Variants in EXT1 observed in about 807,000 individuals in gnomAD.
The protein encoded by EXT1 is exostosin glycosyltransferase 1, also known as exostosin-1.
Under a neutral mutation model 82.5 loss-of-function variants are expected in EXT1, and 20 were observed. That is an observed-to-expected ratio of 0.24 (90% CI 0.17 to 0.35). EXT1 has a LOEUF of 0.35. Among genes scored for constraint, EXT1 ranks in the 10% least tolerant of loss-of-function variants. The pLI, the probability that EXT1 is intolerant of heterozygous loss-of-function variation, is 1.00. For synonymous variants in EXT1, 348 were observed against 350.8 expected, an observed-to-expected ratio of 0.99 and a Z score of 0.09; for missense variants, 757 against 936.5, an observed-to-expected ratio of 0.81 and a Z score of 2.50.
intron 2 of EXT1, among the ~76,000 whole-genome samples, 173 bp downstream of exon 2, chr8:117,836,935 C>T (rs929022616): frequency 6.6e-6 from 1 of 152,128 alleles, no homozygotes; most frequent in African/African-American, 2.4e-5. Flanking sequence ...AGTAAATCCT[C>T]CCTCCACCCC....
At chr8:117,977,719 C>T (rs1440790891) in intron 1 of EXT1, among the ~76,000 whole-genome samples, 1 of 152,272 alleles carries the variant, frequency 6.6e-6, no homozygotes. Flanking sequence ...CATTGCCTGG[C>T]CTGGCTATCT....
At chr8:117,847,767 T>C (rs1812386397) in intron 1 of EXT1, among the ~76,000 whole-genome samples, 1 of 152,210 alleles carries the variant, frequency 6.6e-6, no homozygotes, top group South Asian at 2.1e-4. Context: ...AGGAGGATGT[T>C]TGGCATTCCT....
intron 1 of EXT1, among the ~76,000 whole-genome samples, chr8:117,892,843 G>C (rs958370513): frequency 2.6e-5 from 4 of 152,200 alleles, no homozygotes; most frequent in East Asian, 1.9e-4. Flanking sequence ...ATGAGAGAAA[G>C]AAAAGAGTCA....
At chr8:118,057,269 A>T (rs1381392230) in intron 1 of EXT1, among the ~76,000 whole-genome samples, 4 of 152,192 alleles carry the variant, frequency 2.6e-5, no homozygotes, top group Non-Finnish European at 5.9e-5. Flanking sequence ...GCCAGGCGCA[A>T]TGGCTCACAT....
At chr8:117,936,290 T>C (rs560393408) in intron 1 of EXT1, among the ~76,000 whole-genome samples, 20 of 152,236 alleles carry the variant, frequency 1.3e-4, no homozygotes, top group African/African-American at 4.8e-4. Flanking sequence ...CATACCCCAC[T>C]GTCACAGACT....
intron 1 of EXT1, among the ~76,000 whole-genome samples, chr8:117,922,063 A>G (rs886280887): frequency 6.6e-6 from 1 of 152,062 alleles, no homozygotes; most frequent in African/African-American, 2.4e-5. Flanking sequence ...TCAACTGCCA[A>G]CTGGATTTGC....
chr8:118,014,555 A>C (rs1815966544), intron 1 of EXT1, among the ~76,000 whole-genome samples: 2 of 152,068 alleles, frequency 1.3e-5, no homozygotes, highest in Admixed American at 6.6e-5. Flanking sequence ...ACCAAATTAG[A>C]ATTTCTGGAG....
intron 1 of EXT1, among the ~76,000 whole-genome samples, chr8:118,012,926 C>G (rs1396290400): frequency 6.6e-6 from 1 of 152,134 alleles, no homozygotes. Flanking sequence ...TTCTTTCTAT[C>G]GTTAGTAAGG....
At chr8:117,876,540 G>T (rs1812972626) in intron 1 of EXT1, among the ~76,000 whole-genome samples, 1 of 152,184 alleles carries the variant, frequency 6.6e-6, no homozygotes, top group African/African-American at 2.4e-5. Context: ...TGATAAAATA[G>T]AATTTGGGTT....
In EXT1 at chr8:117,960,716, T is replaced by G. The variant is rs190876762; in HGVS notation, c.963-123515A>C. 5.9e-5 allele frequency among the ~76,000 whole-genome samples: 9 copies of G among 152,320 alleles called. No individual in the cohort carries two copies. The East Asian group carries it at 1.7e-3, about 29-fold the overall frequency. ...CAGAATCGACTGCCTAAGGTGGCCA[T>G]CTTGAGGAAGTGATAAGAGCATCCT... On this transcript the variant is annotated intron_variant, in intron 1 of 10. Coordinates refer to ENST00000378204, the MANE Select transcript of EXT1 (RefSeq NM_000127.3).
At chr8:117,973,846 G>A (rs1815001310) in intron 1 of EXT1, among the ~76,000 whole-genome samples, 1 of 137,232 alleles carries the variant, frequency 7.3e-6, no homozygotes, top group Non-Finnish European at 1.6e-5. Context: ...GAAAGGAAAG[G>A]AAAGGAAAGG....
At chr8:118,088,754 C>A (rs1280096013) in intron 1 of EXT1, among the ~76,000 whole-genome samples, 1 of 151,354 alleles carries the variant, frequency 6.6e-6, no homozygotes, top group African/African-American at 2.4e-5. Flanking sequence ...AACCCATTCA[C>A]TGTCCTGGTC....
At chr8:118,053,026 C>CA (rs1816743427) in intron 1 of EXT1, among the ~76,000 whole-genome samples, 1 of 152,202 alleles carries the variant, frequency 6.6e-6, no homozygotes, top group Non-Finnish European at 1.5e-5. Flanking sequence ...ATCACTCTGC[C>CA]AGTCTCCATG....
intron 7 of EXT1, among the ~76,000 whole-genome samples, chr8:117,817,639 G>A (rs1811845825): frequency 6.6e-6 from 1 of 152,234 alleles, no homozygotes; most frequent in Middle Eastern, 3.4e-3. Context: ...GATGAGTTGA[G>A]GGGTGGTCAA....
intron 1 of EXT1, among the ~76,000 whole-genome samples, chr8:118,012,755 A>G (rs1000286872): frequency 1.3e-5 from 2 of 152,228 alleles, no homozygotes; most frequent in Non-Finnish European, 2.9e-5. Context: ...CATAATGGAC[A>G]TTCAATCTAA....
At chr8:118,035,010 G>A (rs978538475) in intron 1 of EXT1, among the ~76,000 whole-genome samples, 1 of 152,178 alleles carries the variant, frequency 6.6e-6, no homozygotes, top group Non-Finnish European at 1.5e-5. Context: ...ATATGCACTG[G>A]AAAATGTGGT....
At chr8:117,878,867 G>T (rs1393380055) in intron 1 of EXT1, among the ~76,000 whole-genome samples, 1 of 152,208 alleles carries the variant, frequency 6.6e-6, no homozygotes, top group African/African-American at 2.4e-5. Context: ...CACTTCAATG[G>T]CTTTCAACAA....
intron 1 of EXT1, among the ~76,000 whole-genome samples, chr8:117,852,799 G>A (rs1812479392): frequency 6.6e-6 from 1 of 152,130 alleles, no homozygotes; most frequent in South Asian, 2.1e-4. Context: ...GCATTCTATT[G>A]TCAGGATACA....
At chr8:117,874,957 A>G (rs1444138810) in intron 1 of EXT1, among the ~76,000 whole-genome samples, 1 of 152,198 alleles carries the variant, frequency 6.6e-6, no homozygotes, top group Admixed American at 6.5e-5. Context: ...ATAAGGTGCA[A>G]AAATAAAAGA....
Sources: allele counts gnomAD v4.1 joint callset (sites outside exome capture counted in the v4.1 genomes callset), GRCh38; gene constraint gnomAD v4.1.1; transcripts MANE v1.5; gene names NCBI Gene and HGNC (gene_info 2026-07-23, HGNC 2026-07-21).